The following TAMM41 variants were observed in gnomAD, a reference collection of about 807,000 sequenced individuals.
TAMM41 encodes the protein phosphatidate cytidylyltransferase, mitochondrial.
A neutral mutation model predicts 44.1 loss-of-function variants in TAMM41; 36 were observed. That is an observed-to-expected ratio of 0.82 (90% CI 0.63 to 1.08). The LOEUF is 1.08. TAMM41 is among the 50% of genes least tolerant of loss of function. TAMM41 has a pLI of 0.00. For synonymous variants in TAMM41, 164 were observed against 153.1 expected, an observed-to-expected ratio of 1.07 and a Z score of -0.53; for missense variants, 417 against 404.3, an observed-to-expected ratio of 1.03 and a Z score of -0.27.
At chr3:11,728,599 G>A in the TAMM41 span, among the ~76,000 whole-genome samples, 1 of 152,180 alleles carries the variant, frequency 6.6e-6, no homozygotes, top group African/African-American at 2.4e-5. Context: ...ACTGGATGGG[G>A]TCCACGATGG....
the TAMM41 span, among the ~76,000 whole-genome samples, chr3:11,728,923 GCTTGAAC>G: frequency 2.0e-5 from 3 of 151,352 alleles, no homozygotes; most frequent in African/African-American, 7.3e-5. Context: ...CAGGAGAATC[GCTTGAAC>G]CCGGGAGGCG....
At chr3:11,734,081 C>T in the TAMM41 span, among the ~76,000 whole-genome samples, 4 of 152,172 alleles carry the variant, frequency 2.6e-5, no homozygotes, top group Non-Finnish European at 4.4e-5. Context: ...TGAATGAAGA[C>T]GGGCTAGGAA....
At chr3:11,762,991 T>C in the TAMM41 span, among the ~76,000 whole-genome samples, 1 of 152,188 alleles carries the variant, frequency 6.6e-6, no homozygotes. Context: ...TAAGCCAAGA[T>C]GGCACCACTG....
At chr3:11,802,871 C>T (rs1285973726) in intron 7 of TAMM41, among the ~76,000 whole-genome samples, 1 of 152,220 alleles carries the variant, frequency 6.6e-6, no homozygotes, top group African/African-American at 2.4e-5. Flanking sequence ...TGGGATTTAT[C>T]CCAGGGATGC....
intron 3 of TAMM41, among the ~76,000 whole-genome samples, chr3:11,832,797 G>A (rs1559316522): frequency 6.6e-6 from 1 of 152,084 alleles, no homozygotes; most frequent in Non-Finnish European, 1.5e-5. Flanking sequence ...CTCTGTTTTT[G>A]ATGGCTTTTA....
chr3:11,724,246 G>T, the TAMM41 span, among the ~76,000 whole-genome samples: 1 of 150,266 alleles, frequency 6.7e-6, no homozygotes, highest in African/African-American at 2.5e-5. Flanking sequence ...TGGGATCACA[G>T]GCATGTGCCA....
intron 7 of TAMM41, among the ~76,000 whole-genome samples, chr3:11,795,112 A>G (rs2124919507): frequency 6.6e-6 from 1 of 152,324 alleles, no homozygotes; most frequent in Admixed American, 6.5e-5. Context: ...TGTTCCCGGA[A>G]AAGGCTGGTA....
chr3:11,739,578 G>A, the TAMM41 span, among the ~76,000 whole-genome samples: 1 of 149,414 alleles, frequency 6.7e-6, no homozygotes, highest in Non-Finnish European at 1.5e-5. Flanking sequence ...TGGCCGAGGA[G>A]GGAGAATTGC....
chr3:11,831,229 A>G (rs1161515289), intron 3 of TAMM41, among the ~76,000 whole-genome samples: 3 of 152,054 alleles, frequency 2.0e-5, no homozygotes, highest in Non-Finnish European at 2.9e-5. Flanking sequence ...ATCGGATGCA[A>G]CTCCCAGAGT....
chr3:11,834,679 G>A (rs2079105709), intron 3 of TAMM41, among the ~76,000 whole-genome samples: 1 of 152,048 alleles, frequency 6.6e-6, no homozygotes, highest in East Asian at 1.9e-4. Context: ...ATCTTTTTAA[G>A]CAAGATACTC....
At chr3:11,768,430 A>G in the TAMM41 span, among the ~76,000 whole-genome samples, 1 of 152,198 alleles carries the variant, frequency 6.6e-6, no homozygotes, top group Non-Finnish European at 1.5e-5. Context: ...GAGCCACTGC[A>G]CCCAGCCAAA....
chr3:11,752,625 C>CTTTTTTTTTTTTTTTTTTTT, the TAMM41 span, among the ~76,000 whole-genome samples: 62 of 39,956 alleles, frequency 1.6e-3, 13 homozygotes, highest in Non-Finnish European at 2.5e-3. Context: ...TCTTACAAAG[C>CTTTTTTTTTTTTTTTTTTTT]TTTTTTTTTT....
At chr3:11,776,799 C>G in the TAMM41 span, among the ~76,000 whole-genome samples, 1 of 152,118 alleles carries the variant, frequency 6.6e-6, no homozygotes, top group South Asian at 2.1e-4. Flanking sequence ...AGTCAAGGAG[C>G]CTGCAAACAT....
chr3:11,722,301 A>T, the TAMM41 span, among the ~76,000 whole-genome samples: 1 of 152,176 alleles, frequency 6.6e-6, no homozygotes, highest in East Asian at 1.9e-4. Context: ...CTCTGGCAAC[A>T]TCTAAGCCTG....
chr3:11,790,226 C>T (rs1254096225), downstream of TAMM41, among the ~76,000 whole-genome samples: 1 of 152,210 alleles, frequency 6.6e-6, no homozygotes, highest in Admixed American at 6.5e-5. Flanking sequence ...TCATGTCTGA[C>T]TCTCACGTAC....
At chr3:11,725,442 C>CCTTCTA in the TAMM41 span, among the ~76,000 whole-genome samples, 1 of 141,470 alleles carries the variant, frequency 7.1e-6, no homozygotes, top group South Asian at 2.2e-4. Context: ...TCCTCCTCCT[C>CCTTCTA]CTCCTCCTCC....
chr3:11,730,115 G>T, the TAMM41 span, among the ~76,000 whole-genome samples: 1 of 152,216 alleles, frequency 6.6e-6, no homozygotes, highest in East Asian at 1.9e-4. Context: ...AGGGCGCAGT[G>T]GCTCAAGCCT....
intron 7 of TAMM41, among the ~76,000 whole-genome samples, chr3:11,806,200 G>C (rs1486816364): frequency 6.6e-6 from 1 of 152,186 alleles, no homozygotes; most frequent in Non-Finnish European, 1.5e-5. Context: ...GACTAACGCA[G>C]CGTTGTGTTC....
At chr3:11,722,677 C>CA in the TAMM41 span, among the ~76,000 whole-genome samples, 3,063 of 148,490 alleles carry the variant, frequency 0.021, 51 homozygotes, top group Non-Finnish European at 0.032. Flanking sequence ...AGTAAAAATA[C>CA]AAAAAAAAAA....
Sources: allele counts gnomAD v4.1 joint callset (sites outside exome capture counted in the v4.1 genomes callset), GRCh38; gene constraint gnomAD v4.1.1; transcripts MANE v1.5; gene names NCBI Gene and HGNC (gene_info 2026-07-23, HGNC 2026-07-21).